ADAP1: variants seen among roughly 807,000 people sequenced by gnomAD.
ADAP1 encodes the protein arf-GAP with dual PH domain-containing protein 1.
Under a neutral mutation model 54.9 loss-of-function variants are expected in ADAP1, and 31 were observed. That is an observed-to-expected ratio of 0.56 (90% confidence interval 0.42 to 0.76). The LOEUF (loss-of-function observed/expected upper bound fraction) is 0.76. Ranked by LOEUF, ADAP1 falls within the 30% of genes least tolerant of loss-of-function variation. The pLI is 0.00. For synonymous variants in ADAP1, 313 were observed against 202.6 expected, an observed-to-expected ratio of 1.55 and a Z score of -4.63; for missense variants, 535 against 512.4, an observed-to-expected ratio of 1.04 and a Z score of -0.42.
In ADAP1 at chr7:920,454, G is replaced by T. The variant is rs761478340; in HGVS notation, c.306-404C>A. Among the ~76,000 whole-genome samples the T allele has an allele frequency of 2.8e-4, 32 of 116,268 alleles. No individual in the cohort carries two copies. Among genetic ancestry groups the T allele is most frequent in the Non-Finnish European group, 5.2e-4 (30 of 57,418 alleles). 76.3% of individuals were successfully genotyped at this position (116,268 alleles called of 152,430 possible). ...GGCCCTCCCCGACCCTCCCCACCTC[G>T]TTGGACCGGATCTGGGAAGTGGCCG... On this transcript the variant is annotated intron_variant, in intron 3 of 10. Coordinates refer to ENST00000265846, the MANE Select transcript of ADAP1 (RefSeq NM_006869.4). This position sits in a 1 kb window ranked among gnomAD's most constrained non-coding sequence, Gnocchi z 4.5.
chr7:914,585 G>T (rs1845854614), intron 4 of ADAP1, among the ~76,000 whole-genome samples: 1 of 152,152 alleles, frequency 6.6e-6, no homozygotes, highest in Non-Finnish European at 1.5e-5. Context: ...GAGGCTCGGG[G>T]GGTCCCTGAG....
Position 904,081 on chromosome 7 carries a change from C to G in ADAP1, c.648+45G>C, listed in dbSNP as rs781245053. 5.0e-6 allele frequency: 8 copies of G among 1,604,764 alleles called. No individual in the cohort carries two copies. The South Asian group carries it at 8.9e-5, about 18-fold the overall frequency. On this transcript the variant is annotated intron_variant, in intron 6 of 10. Transcript: ENST00000265846. ...TCCTGCGCCACCCGGGCCTGAGGGC[C>G]CACCCTCCTGTGCCACCCGGGCCCG...
chr7:935,219 G>A (rs1473958174), intron 2 of ADAP1, 156 bp downstream of exon 2: 7 of 1,060,158 alleles, frequency 6.6e-6, no homozygotes, highest in Admixed American at 2.0e-5. Context: ...AGCCGCTGGA[G>A]AGGGGGCGGG....
rs141650504 is a variant in ADAP1, at chr7:936,046, G to A, written c.83-541C>T. Among the ~76,000 whole-genome samples the A allele has an allele frequency of 3.6e-3, 548 of 152,312 alleles. 4 individuals are homozygous for A. The highest frequency in any genetic ancestry group is 0.013 in the African/African-American group (523 of 41,570). ...CACCCTGCGTGGGGTGACAGCGCCC[G>A]GCGGCCACTAACTTTGCAGGTGTGA... On this transcript the variant is annotated intron_variant, in intron 1 of 10. Coordinates refer to ENST00000265846, the MANE Select transcript of ADAP1 (RefSeq NM_006869.4).
chr7:914,857 C>T (rs569010824), intron 4 of ADAP1, among the ~76,000 whole-genome samples: 3 of 152,082 alleles, frequency 2.0e-5, no homozygotes, highest in Admixed American at 6.5e-5. Flanking sequence ...GCCAGGCCTT[C>T]GTGCCTACTG....
intron 4 of ADAP1, among the ~76,000 whole-genome samples, chr7:910,271 T>C (rs1439037600): frequency 1.5e-5 from 2 of 135,376 alleles, no homozygotes; most frequent in Non-Finnish European, 3.2e-5. Context: ...TTTACGAGGC[T>C]TTTTTTTTTT....
Position 898,061 on chromosome 7 carries a change from C to G in ADAP1, c.*860G>C, listed in dbSNP as rs1204596085. ...GAGAGGGCTGGGCCCCCCAGGTGAC[C>G]TGCAGACGCCTCCCCCACCTACATG... On this transcript the variant is annotated 3_prime_UTR_variant, in exon 11 of 11. Coordinates refer to ENST00000265846, the MANE Select transcript of ADAP1 (RefSeq NM_006869.4). The G allele has an allele frequency of 3.3e-5, 5 of 152,338 alleles. No individual in the cohort carries two copies. Among genetic ancestry groups the G allele is most frequent in the Non-Finnish European group, 7.3e-5 (5 of 68,128 alleles). 9.4% of individuals were successfully genotyped at this position (152,338 alleles called of 1,614,324 possible). A position where few individuals can be genotyped will look rare whatever the true frequency, so the allele number is the denominator to read the frequency against.
At chr7:912,562 GCACCGA>G (rs1845767724) in intron 4 of ADAP1, among the ~76,000 whole-genome samples, 1 of 152,192 alleles carries the variant, frequency 6.6e-6, no homozygotes, top group South Asian at 2.1e-4. Context: ...CTTCCGCTAC[GCACCGA>G]CACCAAGGGC....
At chr7:908,405 T>C (rs1350000339) in intron 4 of ADAP1, among the ~76,000 whole-genome samples, 2 of 152,066 alleles carry the variant, frequency 1.3e-5, no homozygotes, top group East Asian at 3.9e-4. Context: ...CCCTGGGCTG[T>C]CTTGGATGGT....
intron 5 of ADAP1, among the ~76,000 whole-genome samples, chr7:904,527 G>A (rs546911667): frequency 7.0e-4 from 106 of 152,246 alleles, no homozygotes; most frequent in Middle Eastern, 3.4e-3. Context: ...CTCCCTCCCC[G>A]GGGGCAGCCC....
chr7:920,156 C>A lies in ADAP1; in HGVS notation c.306-106G>T. ...GACATCTCAAGAGGCTCATAGGGAC[C>A]CCCGGCAGACTCGAGCCGCCCCTCT... is the stretch of plus-strand genomic sequence containing the variant. On this transcript the variant is annotated intron_variant, in intron 3 of 10. Coordinates refer to ENST00000265846, the MANE Select transcript of ADAP1 (RefSeq NM_006869.4). The surrounding 1 kb of genome is among the most constrained non-coding windows in gnomAD (Gnocchi z 4.5). 1 of 981,716 alleles carries A rather than the reference C, an allele frequency of 1.0e-6. No homozygotes were observed. The highest frequency in any genetic ancestry group is 1.5e-6 in the Non-Finnish European group (1 of 663,126). The allele number at this position is 981,716 out of a possible 1,614,324, so 60.8% of individuals were successfully genotyped here.
At chr7:937,973 A>G (rs1846830428) in intron 1 of ADAP1, among the ~76,000 whole-genome samples, 1 of 152,170 alleles carries the variant, frequency 6.6e-6, no homozygotes, top group African/African-American at 2.4e-5. Flanking sequence ...GGCCACTAAC[A>G]GCCCTACTTC....
chr7:902,184 C>T (rs973920265), intron 6 of ADAP1, among the ~76,000 whole-genome samples: 12 of 150,670 alleles, frequency 8.0e-5, no homozygotes, highest in Non-Finnish European at 1.2e-4. Flanking sequence ...TGCGGCTGGG[C>T]GCAGTGGCTC....
chr7:947,614 C>T (rs1282965405), intron 1 of ADAP1, among the ~76,000 whole-genome samples: 7 of 152,080 alleles, frequency 4.6e-5, no homozygotes, highest in East Asian at 1.9e-4. Flanking sequence ...CCCGACATCC[C>T]GTTGACCAGC....
At chr7:937,091 CACGCCGGGCCTCGGATTTGGGGGT>C (rs1846785536) in intron 1 of ADAP1, among the ~76,000 whole-genome samples, 1 of 115,544 alleles carries the variant, frequency 8.7e-6, no homozygotes, top group Non-Finnish European at 1.9e-5. Context: ...ATTTGGGGGT[CACGCCGGGCCTCGGATTTGGGGGT>C]CACGCCCGAC....
intron 4 of ADAP1, among the ~76,000 whole-genome samples, chr7:905,832 G>T (rs1362733372): frequency 2.1e-5 from 1 of 47,334 alleles, no homozygotes; most frequent in African/African-American, 6.1e-5. Flanking sequence ...AAGGGAGAAG[G>T]GAGAAGGGAG....
upstream of ADAP1, chr7:955,269 CA>C (rs1159532047): frequency 2.6e-6 from 4 of 1,548,138 alleles, no homozygotes; most frequent in Non-Finnish European, 1.7e-6. Flanking sequence ...TGACAGGTAA[CA>C]AAAAACCTGG....
rs771266006 is a variant in ADAP1, at chr7:920,873, C to T, written c.306-823G>A. On this transcript the variant is annotated intron_variant, in intron 3 of 10. Coordinates refer to ENST00000265846, the MANE Select transcript of ADAP1 (RefSeq NM_006869.4). The surrounding 1 kb of genome is among the most constrained non-coding windows in gnomAD (Gnocchi z 4.5). ...CACAGGCAGCCGCCCCAGCCTTTTC[C>T]ACTCCCAGGGAATTACGCGGCAAAG... The T allele has an allele frequency of 6.5e-7, 1 of 1,550,162 alleles. No homozygotes were observed. Among genetic ancestry groups the T allele is most frequent in the Non-Finnish European group, 8.7e-7 (1 of 1,146,844 alleles).
chr7:920,337 C>T lies in ADAP1; in HGVS notation c.306-287G>A, dbSNP rs983789595. Among the ~76,000 whole-genome samples, 2 of 152,152 alleles carry T rather than the reference C, an allele frequency of 1.3e-5. No individual in the cohort carries two copies. The highest frequency in any genetic ancestry group is 2.9e-5 in the Non-Finnish European group (2 of 68,014). ...CCCGGTGGACGGGCTGGTGCCTCCC[C>T]TCTCCTTCCCACCTTGGCCTCAGCT... On this transcript the variant is annotated intron_variant, in intron 3 of 10. Coordinates refer to ENST00000265846, the MANE Select transcript of ADAP1 (RefSeq NM_006869.4). The surrounding 1 kb of genome is among the most constrained non-coding windows in gnomAD (Gnocchi z 4.5).
Sources: allele counts gnomAD v4.1 joint callset (sites outside exome capture counted in the v4.1 genomes callset), GRCh38; gene constraint gnomAD v4.1.1; non-coding constraint Gnocchi (gnomAD v3.1); transcripts MANE v1.5; gene names NCBI Gene and HGNC (gene_info 2026-07-23, HGNC 2026-07-21).